CACNA1C: variants seen among roughly 807,000 people sequenced by gnomAD.
CACNA1C encodes voltage-dependent L-type calcium channel subunit alpha-1C.
In CACNA1C, 30 loss-of-function variants were observed where a neutral mutation model predicts 229.0. The ratio of observed to expected loss-of-function variants is 0.13; its 90% CI spans 0.10 to 0.18. CACNA1C has a LOEUF of 0.18. CACNA1C is among the 10% of genes least tolerant of loss of function. CACNA1C has a pLI of 1.00. For missense variants in CACNA1C, 1,658 were observed against 2,845.0 expected (o/e 0.58, Z 9.49); for synonymous variants, 1,114 against 1,132.5 (o/e 0.98, Z 0.33).
At chr12:2,440,532 G>T (rs560363711) in intron 3 of CACNA1C, among the ~76,000 whole-genome samples, 11 of 152,306 alleles carry the variant, frequency 7.2e-5, no homozygotes, top group African/African-American at 2.6e-4. Flanking sequence ...TCAGGCATAG[G>T]TGGAGATCCC....
intron 3 of CACNA1C, among the ~76,000 whole-genome samples, chr12:2,438,354 T>C (rs2099173125): frequency 6.8e-6 from 1 of 146,958 alleles, no homozygotes; most frequent in Non-Finnish European, 1.5e-5. Flanking sequence ...ATGATGGTGG[T>C]GGTAATGATG....
intron 30 of CACNA1C, among the ~76,000 whole-genome samples, chr12:2,643,494 A>G (rs753363629): frequency 1.3e-5 from 2 of 152,182 alleles, no homozygotes; most frequent in African/African-American, 2.4e-5. Flanking sequence ...GCTTCTGTCT[A>G]TCCCAGCTAA....
intron 3 of CACNA1C, among the ~76,000 whole-genome samples, chr12:2,298,769 T>C (rs2094310886): frequency 6.6e-6 from 1 of 152,242 alleles, no homozygotes; most frequent in Non-Finnish European, 1.5e-5. Context: ...TAGTGCTTTT[T>C]GTGGCCCCAG....
At chr12:2,076,238 G>A (rs2063138887) in intron 1 of CACNA1C, among the ~76,000 whole-genome samples, 1 of 152,070 alleles carries the variant, frequency 6.6e-6, no homozygotes, top group African/African-American at 2.4e-5. Flanking sequence ...TTTTCTCTCT[G>A]CAACCCACCC....
At chr12:2,314,324 T>C (rs1356306020) in intron 3 of CACNA1C, among the ~76,000 whole-genome samples, 11 of 152,198 alleles carry the variant, frequency 7.2e-5, no homozygotes, top group Admixed American at 7.2e-4. Context: ...AATTCCATGA[T>C]CTGATATTTT....
intron 3 of CACNA1C, among the ~76,000 whole-genome samples, chr12:2,318,080 G>A (rs1220686731): frequency 6.6e-6 from 1 of 152,246 alleles, no homozygotes; most frequent in African/African-American, 2.4e-5. Flanking sequence ...GGTAGGAGTG[G>A]TGCTGCGGAT....
chr12:2,684,120 G>C (rs1277207017), intron 43 of CACNA1C, among the ~76,000 whole-genome samples: 1 of 152,224 alleles, frequency 6.6e-6, no homozygotes, highest in African/African-American at 2.4e-5. Flanking sequence ...GGCCAGCACA[G>C]CATGCGGCTT....
At position 2,249,772 on chromosome 12, in the gene CACNA1C, CT is replaced by C. The variant is rs369050599; in HGVS notation, c.477+129358del. 3.8e-3 allele frequency among the ~76,000 whole-genome samples: 528 copies of C among 138,728 alleles called. 3 individuals are homozygous for C. The highest frequency in any genetic ancestry group is 9.9e-3 in the African/African-American group (368 of 37,328). 91.0% of individuals were successfully genotyped at this position (138,728 alleles called of 152,430 possible). A position where few individuals can be genotyped will look rare whatever the true frequency, so the allele number is the denominator to read the frequency against. On this transcript the variant is annotated intron_variant, in intron 3 of 46. Coordinates refer to ENST00000399655, the MANE Select transcript of CACNA1C (RefSeq NM_000719.7). ...CAGTGACATCTGCCTTGCCTTCTCT[CT>C]TTTTTTTTTTTTTTTGAGATGGAGT...
chr12:2,432,671 A>G (rs907955408), intron 3 of CACNA1C, among the ~76,000 whole-genome samples: 1 of 152,178 alleles, frequency 6.6e-6, no homozygotes, highest in Admixed American at 6.5e-5. Context: ...CATAAGTGCA[A>G]TCTTCTTTTT....
At position 2,275,389 on chromosome 12, in the gene CACNA1C, C is replaced by T. The variant is rs563559167; in HGVS notation, c.477+154959C>T. Among the ~76,000 whole-genome samples the T allele has an allele frequency of 7.2e-5, 11 of 152,274 alleles. No individual in the cohort carries two copies. The highest frequency in any genetic ancestry group is 2.1e-4 in the South Asian group (1 of 4,820). On this transcript the variant is annotated intron_variant, in intron 3 of 46. Transcript: ENST00000399655. The surrounding 1 kb of genome is among the most constrained non-coding windows in gnomAD (Gnocchi z 4.1). ...GACAGTCCTGCTGGCTGTGTCTTCC[C>T]GGAAGGCTCGTGCCCGCACAGATTG...
At chr12:2,558,943 A>T (rs1039916444) in intron 11 of CACNA1C, among the ~76,000 whole-genome samples, 5 of 146,618 alleles carry the variant, frequency 3.4e-5, no homozygotes, top group African/African-American at 9.9e-5. Flanking sequence ...CAGAAATATT[A>T]AAAAAAAAAA....
chr12:2,241,286 A>G (rs882194), intron 3 of CACNA1C, among the ~76,000 whole-genome samples: 79,574 of 151,958 alleles, frequency 0.52, 22,500 homozygotes, highest in African/African-American at 0.75. Flanking sequence ...GAGGCAAATC[A>G]TATTGTCCCC....
At chr12:2,491,276 C>T (rs1479160193) in intron 6 of CACNA1C, among the ~76,000 whole-genome samples, 3 of 151,988 alleles carry the variant, frequency 2.0e-5, no homozygotes, top group Admixed American at 1.3e-4. Context: ...GGAGTGATGG[C>T]CGTGCTTTAA....
intron 1 of CACNA1C, among the ~76,000 whole-genome samples, chr12:2,106,982 C>A: frequency 1.9e-5 from 2 of 105,328 alleles, no homozygotes; most frequent in Admixed American, 9.1e-5. Context: ...AGGGTTTCCA[C>A]CTCAGCTGGG....
chr12:2,674,286 AG>A (rs1375462995), intron 38 of CACNA1C, among the ~76,000 whole-genome samples: 19 of 152,144 alleles, frequency 1.2e-4, no homozygotes, highest in Admixed American at 1.2e-3. Context: ...AGCCACAGGC[AG>A]GGGGAAGGGG....
intron 3 of CACNA1C, among the ~76,000 whole-genome samples, chr12:2,295,729 C>A (rs2093978076): frequency 6.6e-6 from 1 of 152,226 alleles, no homozygotes; most frequent in Admixed American, 6.5e-5. Context: ...ACAGCGTAAC[C>A]AACCTGTGTC....
At chr12:2,333,556 A>G (rs1173630906) in intron 3 of CACNA1C, among the ~76,000 whole-genome samples, 1 of 152,188 alleles carries the variant, frequency 6.6e-6, no homozygotes, top group Non-Finnish European at 1.5e-5. Context: ...AGGAAGCATG[A>G]CCGCGCCATC....
At chr12:2,222,022 C>T (rs1335612588) in intron 3 of CACNA1C, among the ~76,000 whole-genome samples, 1 of 151,682 alleles carries the variant, frequency 6.6e-6, no homozygotes, top group Admixed American at 6.6e-5. Flanking sequence ...TATACTATAC[C>T]CTGGAAGGTA....
chr12:2,352,033 C>T (rs554393608), intron 3 of CACNA1C, among the ~76,000 whole-genome samples: 31 of 152,304 alleles, frequency 2.0e-4, no homozygotes, highest in African/African-American at 5.3e-4. Flanking sequence ...TTGGTTGAAA[C>T]GTCAGGCTTT....
Sources: allele counts gnomAD v4.1 joint callset (sites outside exome capture counted in the v4.1 genomes callset), GRCh38; gene constraint gnomAD v4.1.1; non-coding constraint Gnocchi (gnomAD v3.1); transcripts MANE v1.5; gene names NCBI Gene and HGNC (gene_info 2026-07-23, HGNC 2026-07-21).